The following GFPT2 variants were observed in gnomAD, a reference collection of about 807,000 sequenced individuals.
The protein encoded by GFPT2 is glutamine--fructose-6-phosphate aminotransferase [isomerizing] 2.
GFPT2 carries 62 observed loss-of-function variants against 85.6 expected under a neutral mutation model. The ratio of observed to expected loss-of-function variants is 0.72; its 90% CI spans 0.59 to 0.90. The LOEUF is 0.90. Ranked by LOEUF, GFPT2 falls within the 40% of genes least tolerant of loss-of-function variation. The pLI is 0.00. For missense variants in GFPT2, 788 were observed against 893.4 expected (o/e 0.88, Z 1.50); for synonymous variants, 368 against 344.5 (o/e 1.07, Z -0.75).
Position 180,301,439 on chromosome 5 carries a change from T to C in GFPT2, c.*125A>G. The C allele has an allele frequency of 1.2e-6, 1 of 837,212 alleles. No homozygotes were observed. The highest frequency in any genetic ancestry group is 1.5e-5 in the South Asian group (1 of 66,826). The allele number at this position is 837,212 out of a possible 1,614,324, so 51.9% of individuals were successfully genotyped here. ...TTGGGTAGAAGGCACGTGGAAGCTG[T>C]CAAGCTCTACAGGAGCACGCAGAAC... On this transcript the variant is annotated 3_prime_UTR_variant, in exon 19 of 19. Transcript: ENST00000253778.
intron 4 of GFPT2, among the ~76,000 whole-genome samples, chr5:180,331,933 C>A (rs1318670169): frequency 6.6e-6 from 1 of 152,232 alleles, no homozygotes; most frequent in Admixed American, 6.5e-5. Context: ...TGATTCCAGG[C>A]ACTCTCAACT....
At chr5:180,306,251 C>T (rs1340234738) in intron 16 of GFPT2, among the ~76,000 whole-genome samples, 1 of 152,212 alleles carries the variant, frequency 6.6e-6, no homozygotes, top group African/African-American at 2.4e-5. Context: ...TCCCAAAGTG[C>T]TGGGATTACA....
intron 2 of GFPT2, 148 bp downstream of exon 2, chr5:180,338,345 C>T (rs537525782): frequency 1.2e-4 from 57 of 475,576 alleles, no homozygotes; most frequent in Non-Finnish European, 1.6e-4. Flanking sequence ...ATTTCTTTAA[C>T]GGACAAGTGT....
At chr5:180,338,106 C>CAAAAAT (rs904544276) in intron 2 of GFPT2, among the ~76,000 whole-genome samples, 7 of 152,050 alleles carry the variant, frequency 4.6e-5, no homozygotes, top group African/African-American at 1.7e-4. Flanking sequence ...GCCTGAGTAA[C>CAAAAAT]AAAAATAAAA....
intron 3 of GFPT2, 96 bp downstream of exon 3, chr5:180,336,383 A>G (rs1195371014): frequency 2.5e-6 from 2 of 795,210 alleles, no homozygotes; most frequent in East Asian, 2.4e-5. Context: ...GAGCTGGGAC[A>G]AAGGAGAATC....
intron 7 of GFPT2, among the ~76,000 whole-genome samples, chr5:180,327,793 T>G (rs943366906): frequency 1.3e-5 from 2 of 152,150 alleles, no homozygotes; most frequent in African/African-American, 4.8e-5. Flanking sequence ...AAGCAGGCTC[T>G]CTGAGCCGAT....
Position 180,328,527 on chromosome 5 carries a change from G to A in GFPT2, c.535-189C>T, listed in dbSNP as rs1764251814. Among the ~76,000 whole-genome samples, 1 of 152,214 alleles carries A rather than the reference G, an allele frequency of 6.6e-6. No individual in the cohort carries two copies. The highest frequency in any genetic ancestry group is 1.9e-4 in the East Asian group (1 of 5,184). ...GAAAGCAAAACAGACGGTGCCACGG[G>A]AAGTACCACAAACCAGAACATGTGA... On this transcript the variant is annotated intron_variant, in intron 6 of 18. Coordinates refer to ENST00000253778, the MANE Select transcript of GFPT2 (RefSeq NM_005110.4). The surrounding 1 kb of genome is among the most constrained non-coding windows in gnomAD (Gnocchi z 5.4).
intron 4 of GFPT2, among the ~76,000 whole-genome samples, chr5:180,334,846 A>G (rs1482630732): frequency 1.3e-5 from 2 of 152,284 alleles, no homozygotes; most frequent in East Asian, 3.9e-4. Flanking sequence ...CTTCTGCTCC[A>G]TGCCTACTGC....
chr5:180,352,743 G>C, intron 1 of GFPT2: 1 of 396,888 alleles, frequency 2.5e-6, no homozygotes, highest in Non-Finnish European at 5.0e-6. Context: ...CGGCGGGGCG[G>C]GGTCGCCTCT....
chr5:180,310,571 C>T (rs1763859134), intron 15 of GFPT2, among the ~76,000 whole-genome samples: 1 of 151,828 alleles, frequency 6.6e-6, no homozygotes, highest in South Asian at 2.1e-4. Flanking sequence ...CCACCACATC[C>T]AGCTGCTTTT....
intron 6 of GFPT2, among the ~76,000 whole-genome samples, chr5:180,329,174 C>T (rs1386381316): frequency 3.9e-5 from 6 of 152,196 alleles, no homozygotes; most frequent in African/African-American, 1.4e-4. Flanking sequence ...AAGAAATCCT[C>T]CAAGTGTGGA....
intron 4 of GFPT2, 61 bp from the exon 5 acceptor site, chr5:180,331,614 G>T: frequency 1.0e-6 from 1 of 989,274 alleles, no homozygotes; most frequent in Non-Finnish European, 1.6e-6. Context: ...GATGTGAAGA[G>T]AGATGATTTC....
At chr5:180,346,719 A>C (rs1764616387) in intron 1 of GFPT2, among the ~76,000 whole-genome samples, 1 of 151,542 alleles carries the variant, frequency 6.6e-6, no homozygotes, top group Non-Finnish European at 1.5e-5. Context: ...CCAACCCCCT[A>C]CCCCAGATGA....
intron 13 of GFPT2, among the ~76,000 whole-genome samples, chr5:180,315,165 A>G (rs1404281763): frequency 6.6e-6 from 1 of 151,592 alleles, no homozygotes; most frequent in Non-Finnish European, 1.5e-5. Flanking sequence ...CACCGTGGTC[A>G]TACGTTTTTC....
At chr5:180,302,307 T>A in intron 18 of GFPT2, 116 bp downstream of exon 18, 2 of 720,382 alleles carry the variant, frequency 2.8e-6, no homozygotes, top group Non-Finnish European at 4.3e-6. Context: ...AAAAGAAAGC[T>A]ACTTTAAATA....
At chr5:180,313,714 T>C in intron 14 of GFPT2, 93 bp downstream of exon 14, 23 of 1,068,020 alleles carry the variant, frequency 2.2e-5, no homozygotes, top group Non-Finnish European at 3.0e-5. Flanking sequence ...AGAAAGGCGG[T>C]GGCGCGGGCA....
intron 13 of GFPT2, among the ~76,000 whole-genome samples, chr5:180,314,263 A>T (rs375041655): frequency 1.9e-4 from 29 of 152,254 alleles, no homozygotes; most frequent in African/African-American, 6.5e-4. Flanking sequence ...CGGTGCTCTG[A>T]TCAAAGCCAT....
chr5:180,320,512 C>T (rs1160620115), intron 9 of GFPT2, among the ~76,000 whole-genome samples: 2 of 152,102 alleles, frequency 1.3e-5, no homozygotes, highest in African/African-American at 2.4e-5. Flanking sequence ...CTGGCTCACA[C>T]CTGTAATCCT....
Position 180,340,137 on chromosome 5 carries a change from G to A in GFPT2, c.8-1537C>T, listed in dbSNP as rs144761326. On this transcript the variant is annotated intron_variant, in intron 1 of 18. Coordinates refer to ENST00000253778, the MANE Select transcript of GFPT2 (RefSeq NM_005110.4). ...GGCCCGTTCCTCACAGACAGTGACT[G>A]CTCATTCCAACCTCATACGGTGGAA... Among the ~76,000 whole-genome samples the A allele has an allele frequency of 5.3e-5, 8 of 152,148 alleles. No individual in the cohort carries two copies. The East Asian group carries it at 1.5e-3, about 29-fold the overall frequency.
Sources: gnomAD v4.1 joint callset for allele counts (sites outside exome capture counted in the v4.1 genomes callset) on GRCh38, gnomAD v4.1.1 for gene constraint, Gnocchi (gnomAD v3.1) non-coding constraint, MANE v1.5 for transcripts, NCBI Gene and HGNC (gene_info 2026-07-23, HGNC 2026-07-21) for gene names.